Variants in SPATS2L observed in about 807,000 individuals in gnomAD.
The protein encoded by SPATS2L is spermatogenesis associated serine rich 2 like.
SPATS2L carries 30 observed loss-of-function variants against 59.6 expected under a neutral mutation model. The ratio of observed to expected loss-of-function variants is 0.50; its 90% CI spans 0.38 to 0.68. The LOEUF is 0.68. SPATS2L is among the 30% of genes least tolerant of loss of function. SPATS2L has a pLI of 0.00. For synonymous variants in SPATS2L, 252 were observed against 263.5 expected (o/e 0.96, Z 0.42); for missense variants, 615 against 700.0 (o/e 0.88, Z 1.37).
chr2:200,346,448 T>G, intron 2 of SPATS2L, among the ~76,000 whole-genome samples: 1 of 152,298 alleles, frequency 6.6e-6, no homozygotes, highest in East Asian at 1.9e-4. Flanking sequence ...GGTCATTTAT[T>G]GTTGCCTTCA....
At chr2:200,433,168 C>T (rs1292296858) in intron 6 of SPATS2L, among the ~76,000 whole-genome samples, 1 of 152,174 alleles carries the variant, frequency 6.6e-6, no homozygotes, top group Non-Finnish European at 1.5e-5. Flanking sequence ...TCTAATGATT[C>T]CAGATCCATG....
intron 1 of SPATS2L, among the ~76,000 whole-genome samples, chr2:200,320,636 G>A (rs1200547325): frequency 1.3e-5 from 2 of 152,178 alleles, no homozygotes; most frequent in Non-Finnish European, 2.9e-5. Flanking sequence ...CCATGACAGA[G>A]AGAGCTCTGA....
At chr2:200,407,642 A>G (rs138789100) in intron 3 of SPATS2L, among the ~76,000 whole-genome samples, 3,814 of 152,318 alleles carry the variant, frequency 0.025, 71 homozygotes, top group Non-Finnish European at 0.039. Flanking sequence ...ACAAAATACC[A>G]TGAGTACCTT....
chr2:200,334,784 T>G (rs1171679141), intron 2 of SPATS2L, among the ~76,000 whole-genome samples: 1 of 152,134 alleles, frequency 6.6e-6, no homozygotes, highest in Non-Finnish European at 1.5e-5. Context: ...TTTCCCCATT[T>G]CTTGTTTTTG....
In SPATS2L at chr2:200,446,647, G is replaced by A. The variant is rs574243603; in HGVS notation, c.788+5863G>A. ...CCTGGGTGAGAGGAAAATGAGAGAA[G>A]AGTGCCTCATTTGTCCTGCCACCTC... On this transcript the variant is annotated intron_variant, in intron 8 of 12. Coordinates refer to ENST00000409140, the MANE Select transcript of SPATS2L (RefSeq NM_001100423.2). Among the ~76,000 whole-genome samples, 51 of 152,212 alleles carry A rather than the reference G, an allele frequency of 3.4e-4. 1 individual carries two copies. The highest frequency in any genetic ancestry group is 1.2e-3 in the African/African-American group (51 of 41,524).
At chr2:200,375,792 A>G (rs2105899888) in intron 2 of SPATS2L, among the ~76,000 whole-genome samples, 1 of 152,134 alleles carries the variant, frequency 6.6e-6, no homozygotes, top group Middle Eastern at 3.4e-3. Context: ...ACACCTGGCT[A>G]ATTTTAGTAC....
intron 2 of SPATS2L, among the ~76,000 whole-genome samples, chr2:200,358,639 C>T (rs1020417941): frequency 1.3e-5 from 2 of 150,702 alleles, no homozygotes; most frequent in Non-Finnish European, 2.9e-5. Context: ...ATTGCATCTT[C>T]AAGCAAATGT....
At chr2:200,388,119 T>C (rs2082049667) in intron 2 of SPATS2L, among the ~76,000 whole-genome samples, 1 of 152,210 alleles carries the variant, frequency 6.6e-6, no homozygotes, top group South Asian at 2.1e-4. Context: ...ACAATGAAGA[T>C]ACATATGTAT....
rs1025749639 is a variant in SPATS2L, at chr2:200,476,740, A to T, written c.1282-896A>T. On this transcript the variant is annotated intron_variant, in intron 12 of 12. Coordinates refer to ENST00000409140, the MANE Select transcript of SPATS2L (RefSeq NM_001100423.2). ...TTTGCAGTCCAAGGACGGCTTAAGT[A>T]TTTAACAGCTCAATAGACCTTCTAC... Among the ~76,000 whole-genome samples the T allele has an allele frequency of 2.0e-5, 3 of 152,272 alleles. No individual in the cohort carries two copies. In the South Asian group the frequency reaches 6.2e-4, roughly 31 times the overall value.
chr2:200,434,427 C>T (rs1475034916), intron 6 of SPATS2L, among the ~76,000 whole-genome samples: 1 of 151,876 alleles, frequency 6.6e-6, no homozygotes, highest in Non-Finnish European at 1.5e-5. Flanking sequence ...AGAAGTTAGA[C>T]TTCATTACCA....
chr2:200,374,327 A>G lies in SPATS2L; in HGVS notation c.-22-14896A>G, dbSNP rs1186559125. 2.0e-5 allele frequency among the ~76,000 whole-genome samples: 3 copies of G among 152,126 alleles called. No homozygotes were observed. In the South Asian group the frequency reaches 6.2e-4, roughly 32 times the overall value. On this transcript the variant is annotated intron_variant, in intron 2 of 12. Transcript: ENST00000409140. The stretch of plus-strand genomic sequence containing the variant: ...TCATACCTGCAGTGCCATTCCGATC[A>G]TTGCCAGTATTGCCTCAAAGTAGTG...
intron 2 of SPATS2L, among the ~76,000 whole-genome samples, chr2:200,342,202 C>A (rs1480393054): frequency 6.6e-6 from 1 of 152,118 alleles, no homozygotes; most frequent in Non-Finnish European, 1.5e-5. Context: ...GTATTGCCAG[C>A]ACAGGGCCCT....
At chr2:200,469,491 G>A (rs1307971356) in intron 10 of SPATS2L, among the ~76,000 whole-genome samples, 2 of 152,148 alleles carry the variant, frequency 1.3e-5, no homozygotes, top group Non-Finnish European at 2.9e-5. Context: ...CTTTGTGGAC[G>A]TCCCGGTTCC....
In SPATS2L at chr2:200,477,884, A is replaced by C. The variant is rs1371386110; in HGVS notation, c.1530A>C (p.Arg510=). Residue 510 remains arginine (R), a synonymous_variant, in exon 13 of 13, where the codon CGA becomes CGC. Transcript: ENST00000409140. ...EAPAHSEKPR[R]RQHAADTSEA... Reference sequence around the variant, plus strand: ...CGGCCCATTCTGAAAAGCCCCGGCGAAGGCAGCACGCTGCAGACACCTCGG... The same window carrying C: ...CGGCCCATTCTGAAAAGCCCCGGCGCAGGCAGCACGCTGCAGACACCTCGG... 6.2e-7 allele frequency: 1 copy of C among 1,609,670 alleles called. No individual in the cohort carries two copies. Among genetic ancestry groups the C allele is most frequent in the East Asian group, 2.2e-5 (1 of 44,738 alleles).
At chr2:200,384,085 A>G (rs563929039) in intron 2 of SPATS2L, 85 of 801,852 alleles carry the variant, frequency 1.1e-4, no homozygotes, top group Non-Finnish European at 1.2e-4. Flanking sequence ...TATATTTTTA[A>G]AACTTTACAG....
At chr2:200,476,374 T>C (rs2087520243) in intron 12 of SPATS2L, among the ~76,000 whole-genome samples, 1 of 152,058 alleles carries the variant, frequency 6.6e-6, no homozygotes, top group Admixed American at 6.5e-5. Flanking sequence ...TATAAAGATA[T>C]TTGTTTTGGA....
At chr2:200,399,955 A>G (rs1226846866) in intron 3 of SPATS2L, among the ~76,000 whole-genome samples, 1 of 152,116 alleles carries the variant, frequency 6.6e-6, no homozygotes, top group African/African-American at 2.4e-5. Flanking sequence ...TCTGTGAATG[A>G]GCAGGAAAAA....
chr2:200,432,425 A>G (rs528478506), intron 6 of SPATS2L, among the ~76,000 whole-genome samples: 24 of 146,696 alleles, frequency 1.6e-4, no homozygotes, highest in Admixed American at 7.5e-4. Flanking sequence ...CCATCCCCCA[A>G]CTTGTTCTTT....
chr2:200,389,363 G>C lies in SPATS2L; in HGVS notation c.39+80G>C. ...CCTAGCAGGTAAAAACTCAATTACA[G>C]TGGAGAAAGGGAAAGTGGTTTTGGG... is the stretch of plus-strand genomic sequence containing the variant. On this transcript the variant is annotated intron_variant, in intron 3 of 12. Transcript: ENST00000409140. The C allele has an allele frequency of 3.0e-6, 3 of 1,003,592 alleles. No individual in the cohort carries two copies. The South Asian group carries it at 4.5e-5, about 15-fold the overall frequency. The allele number at this position is 1,003,592 out of a possible 1,614,324, so 62.2% of individuals were successfully genotyped here. A position where few individuals can be genotyped will look rare whatever the true frequency, so the allele number is the denominator to read the frequency against.
Sources: allele counts gnomAD v4.1 joint callset (sites outside exome capture counted in the v4.1 genomes callset), GRCh38; gene constraint gnomAD v4.1.1; transcripts MANE v1.5; gene names NCBI Gene and HGNC (gene_info 2026-07-23, HGNC 2026-07-21).